The following KMT2C variants were observed in gnomAD, a reference collection of about 807,000 sequenced individuals.
KMT2C encodes the protein histone-lysine N-methyltransferase 2C.
A neutral mutation model predicts 507.9 loss-of-function variants in KMT2C; 88 were observed. The observed-to-expected ratio is 0.17, with a 90% CI of 0.15 to 0.21. The LOEUF (loss-of-function observed/expected upper bound fraction) is 0.21. Ranked by LOEUF, KMT2C falls within the 10% of genes least tolerant of loss-of-function variation. The pLI, the probability that KMT2C is intolerant of heterozygous loss-of-function variation, is 1.00. For missense variants in KMT2C, 4,954 were observed against 5,957.8 expected (o/e 0.83, Z 5.55); for synonymous variants, 2,049 against 2,080.8 (o/e 0.98, Z 0.42).
At chr7:152,192,080 T>C (rs935768863) in intron 31 of KMT2C, among the ~76,000 whole-genome samples, 4 of 152,034 alleles carry the variant, frequency 2.6e-5, no homozygotes, top group Admixed American at 1.3e-4. Context: ...CAAGACCTTT[T>C]AAAAATGAGA....
intron 18 of KMT2C, among the ~76,000 whole-genome samples, chr7:152,226,958 T>TCA (rs1426832390): frequency 6.6e-6 from 1 of 152,230 alleles, no homozygotes; most frequent in Non-Finnish European, 1.5e-5. Context: ...TCTGAGGTGT[T>TCA]CAGTGGCAGA....
intron 16 of KMT2C, among the ~76,000 whole-genome samples, chr7:152,230,741 T>A (rs180875391): frequency 5.1e-4 from 77 of 152,328 alleles, no homozygotes; most frequent in African/African-American, 1.8e-3. Context: ...TAATTACATA[T>A]TACGTGTTGA....
chr7:152,363,346 T>G, intron 1 of KMT2C, among the ~76,000 whole-genome samples: 1 of 152,192 alleles, frequency 6.6e-6, no homozygotes, highest in East Asian at 1.9e-4. Context: ...AGAATACAAC[T>G]AACTTTATTT....
intron 1 of KMT2C, among the ~76,000 whole-genome samples, chr7:152,392,830 A>G (rs1196638194): frequency 1.3e-5 from 2 of 152,240 alleles, no homozygotes; most frequent in East Asian, 1.9e-4. Context: ...ACAATAATAC[A>G]ATATAAGTAA....
intron 7 of KMT2C, among the ~76,000 whole-genome samples, chr7:152,271,256 A>T (rs1240200552): frequency 2.0e-5 from 3 of 152,166 alleles, no homozygotes; most frequent in South Asian, 4.1e-4. Flanking sequence ...AAAACATGTT[A>T]AAAAGGTGAC....
chr7:152,281,425 A>G (rs2096206034), intron 6 of KMT2C, among the ~76,000 whole-genome samples: 1 of 152,176 alleles, frequency 6.6e-6, no homozygotes, highest in East Asian at 1.9e-4. Flanking sequence ...CAAGTACTTT[A>G]TAAGAATTAC....
chr7:152,176,058 A>C (rs1239899938), intron 38 of KMT2C, 133 bp downstream of exon 38: 28 of 973,406 alleles, frequency 2.9e-5, no homozygotes, highest in South Asian at 2.3e-4. Context: ...AAAACAAACA[A>C]ACTCCTCAAG....
intron 44 of KMT2C, among the ~76,000 whole-genome samples, chr7:152,157,339 A>C (rs1309267481): frequency 1.3e-5 from 2 of 152,096 alleles, no homozygotes; most frequent in Non-Finnish European, 2.9e-5. Flanking sequence ...AAAAAAAAAA[A>C]AAAACCTACA....
chr7:152,339,695 G>A (rs1401329956), intron 2 of KMT2C, among the ~76,000 whole-genome samples: 1 of 152,160 alleles, frequency 6.6e-6, no homozygotes, highest in East Asian at 1.9e-4. Context: ...CCATTCACAG[G>A]AGACCACAGC....
Position 152,177,642 on chromosome 7 carries a change from T to C in KMT2C, c.7811A>G (p.His2604Arg), listed in dbSNP as rs770675848. ...IPRPDFPGPR[H>R]TDPMRRPPQG... ...GGGAGGTCGTCGCATGGGGTCTGTG[T>C]GTCTAGGGCCCGGAAAGTCTGGCCG... The change falls in exon 38 of 59, where the codon CAC (histidine) becomes CGC (arginine). Residue 2604 changes from histidine (H) to arginine (R), a missense_variant. By Grantham distance (29) the His-to-Arg change is conservative. Around this residue, in one of 29 missense-constraint regions of KMT2C, gnomAD observed 1,689 missense variants for 1,654.3 expected, o/e 1.02. Transcript: ENST00000262189. 7 of 1,613,984 alleles carry C rather than the reference T, an allele frequency of 4.3e-6. No homozygotes were observed. In the East Asian group the frequency reaches 1.6e-4, roughly 36 times the overall value.
chr7:152,392,164 C>A (rs2097504096), intron 1 of KMT2C, among the ~76,000 whole-genome samples: 1 of 151,800 alleles, frequency 6.6e-6, no homozygotes, highest in Non-Finnish European at 1.5e-5. Flanking sequence ...AGTTACCATG[C>A]AAAAAAATAT....
chr7:152,222,738 C>T (rs1297550453), intron 20 of KMT2C, 56 bp from the exon 21 acceptor site: 4 of 966,464 alleles, frequency 4.1e-6, no homozygotes, highest in Middle Eastern at 3.1e-4. Flanking sequence ...CTGAGAACTG[C>T]TACCTTTTAA....
chr7:152,374,838 G>T (rs1035433694), intron 1 of KMT2C, among the ~76,000 whole-genome samples: 7 of 148,490 alleles, frequency 4.7e-5, no homozygotes, highest in African/African-American at 1.8e-4. Context: ...AGCCGAGATC[G>T]CAGCATTGTA....
chr7:152,281,737 C>T, intron 6 of KMT2C, among the ~76,000 whole-genome samples: 1 of 147,510 alleles, frequency 6.8e-6, no homozygotes, highest in East Asian at 2.0e-4. Flanking sequence ...ATCTCAAAAA[C>T]AAAAACAAAA....
intron 1 of KMT2C, chr7:152,367,288 T>C (rs1395986797): frequency 1.7e-6 from 2 of 1,203,788 alleles, no homozygotes; most frequent in East Asian, 5.1e-5. Context: ...CTGCCAACTA[T>C]TCCAAGTTTC....
intron 23 of KMT2C, among the ~76,000 whole-genome samples, chr7:152,216,982 C>T (rs1325298221): frequency 1.3e-5 from 2 of 152,122 alleles, no homozygotes; most frequent in East Asian, 3.8e-4. Flanking sequence ...ATGGGCTCAT[C>T]CTGGTTCACC....
At chr7:152,382,481 G>A (rs1450054000) in intron 1 of KMT2C, among the ~76,000 whole-genome samples, 3 of 152,298 alleles carry the variant, frequency 2.0e-5, no homozygotes, top group African/African-American at 7.2e-5. Flanking sequence ...CAATGCCTGT[G>A]GCTTTCAGGT....
chr7:152,421,626 G>C (rs907221209), intron 1 of KMT2C, among the ~76,000 whole-genome samples: 2 of 152,284 alleles, frequency 1.3e-5, no homozygotes, highest in East Asian at 3.9e-4. Context: ...ATTCGTAAGC[G>C]AATTAATTAA....
intron 9 of KMT2C, among the ~76,000 whole-genome samples, chr7:152,258,019 T>C (rs1487360329): frequency 2.0e-5 from 3 of 152,162 alleles, no homozygotes. Flanking sequence ...CACGCATGTA[T>C]TTCCTGACAC....
Sources: gnomAD v4.1 joint callset for allele counts (sites outside exome capture counted in the v4.1 genomes callset) on GRCh38, gnomAD v4.1.1 for gene constraint, gnomAD v4.1.1 regional missense constraint, MANE v1.5 for transcripts, NCBI Gene and HGNC (gene_info 2026-07-23, HGNC 2026-07-21) for gene names.